Variants in RNF6 observed in about 807,000 individuals in gnomAD.
RNF6 encodes the protein E3 ubiquitin-protein ligase RNF6.
In RNF6, 21 loss-of-function variants were observed where a neutral mutation model predicts 50.1. The ratio of observed to expected loss-of-function variants is 0.42; its 90% CI spans 0.30 to 0.60. RNF6 has a LOEUF of 0.60. RNF6 is among the 20% of genes least tolerant of loss of function. RNF6 has a pLI of 0.20. For missense variants in RNF6, 698 were observed against 838.2 expected (o/e 0.83, Z 2.07); for synonymous variants, 255 against 291.8 (o/e 0.87, Z 1.29).
At chr13:26,209,788 T>G (rs1253162588), downstream of RNF6, among the ~76,000 whole-genome samples, 3 of 151,452 alleles carry the variant, frequency 2.0e-5, no homozygotes, top group African/African-American at 7.3e-5. Flanking sequence ...AGATGTGAGA[T>G]ATATATATAT....
Position 26,214,164 on chromosome 13 carries a change from T to A in RNF6, c.1718A>T (p.Asn573Ile). 6.2e-7 allele frequency: 1 copy of A among 1,614,210 alleles called. No homozygotes were observed. The highest frequency in any genetic ancestry group is 1.1e-5 in the South Asian group (1 of 91,080). The change falls in exon 5 of 5, where the codon AAT (asparagine) becomes ATT (isoleucine). Residue 573 changes from asparagine (N) to isoleucine (I), a missense_variant. Asn to Ile is a moderately radical substitution (Grantham distance 149, BLOSUM62 -3). Coordinates refer to ENST00000381588, the MANE Select transcript of RNF6 (RefSeq NM_005977.4). ...SDSRGGRQLR[N>I]PNNLVETGTL... ...TCCAGTTTCAACTAAATTGTTTGGATTTCGCAACTGCCTGCCACCCCTACT... is the reference window on the plus strand; with the variant it reads ...TCCAGTTTCAACTAAATTGTTTGGAATTCGCAACTGCCTGCCACCCCTACT...
At chr13:26,163,167 C>A (rs1872292777) in intron 5 of RNF6, among the ~76,000 whole-genome samples, 1 of 152,142 alleles carries the variant, frequency 6.6e-6, no homozygotes, top group South Asian at 2.1e-4. Flanking sequence ...AAAAAATTAG[C>A]CGGGCGCGGT....
intron 5 of RNF6, among the ~76,000 whole-genome samples, chr13:26,181,686 G>A (rs1873250778): frequency 6.6e-6 from 1 of 152,168 alleles, no homozygotes; most frequent in South Asian, 2.1e-4. Context: ...AGACCAAGGG[G>A]ATTCCTCTTG....
rs2137743173 is a variant in RNF6 at position 26,213,810 on chromosome 13, T to G, written c.*14A>C. ...GTTCTACTAAAAAACAGTATTTGAG[T>G]AGATCCCATCACCTTACCCATTGTT... On this transcript the variant is annotated 3_prime_UTR_variant, in exon 5 of 5. Transcript: ENST00000381588. 2 of 1,576,956 alleles carry G rather than the reference T, an allele frequency of 1.3e-6. No individual in the cohort carries two copies. Among genetic ancestry groups the G allele is most frequent in the East Asian group, 4.5e-5 (2 of 44,480 alleles).
At position 26,214,210 on chromosome 13, in the gene RNF6, G is replaced by A. The variant is rs780292148; in HGVS notation, c.1672C>T (p.Pro558Ser). The A allele has an allele frequency of 5.6e-6, 9 of 1,614,086 alleles. No individual in the cohort carries two copies. In the East Asian group the frequency reaches 1.8e-4, roughly 32 times the overall value. ...CTACTGTCACTGTTTCGAGTATGAGGCTGGGTGGTCTCGTTTTCACCATGC... is the reference window on the plus strand; with the variant it reads ...CTACTGTCACTGTTTCGAGTATGAGACTGGGTGGTCTCGTTTTCACCATGC... ...EMHGENETTQ[P>S]HTRNSDSRGG... Residue 558 changes from proline (P) to serine (S), a missense_variant, in exon 5 of 5, where the codon CCT (proline) becomes TCT (serine). Coordinates refer to ENST00000381588, the MANE Select transcript of RNF6 (RefSeq NM_005977.4).
At chr13:26,159,777 C>T (rs1002483372) in intron 5 of RNF6, among the ~76,000 whole-genome samples, 2 of 152,120 alleles carry the variant, frequency 1.3e-5, no homozygotes, top group Non-Finnish European at 2.9e-5. Context: ...CCATCTCAAA[C>T]TCCAAAATTT....
intron 5 of RNF6, among the ~76,000 whole-genome samples, chr13:26,141,630 A>T (rs749344166): frequency 1.1e-4 from 16 of 152,178 alleles, no homozygotes; most frequent in Admixed American, 2.6e-4. Flanking sequence ...AACAATGGGG[A>T]AAGAACTCTC....
intron 5 of RNF6, among the ~76,000 whole-genome samples, chr13:26,191,419 A>G (rs1868451695): frequency 6.6e-6 from 1 of 152,168 alleles, no homozygotes; most frequent in Admixed American, 6.5e-5. Flanking sequence ...ATAAATAAGC[A>G]GTTAGCTTAT....
intron 5 of RNF6, among the ~76,000 whole-genome samples, chr13:26,171,808 A>C (rs755160297): frequency 1.8e-4 from 28 of 152,350 alleles, no homozygotes; most frequent in Non-Finnish European, 2.9e-4. Context: ...GTGAAATTTT[A>C]TATGTTTATA....
In RNF6 at chr13:26,151,912, C is replaced by A. The variant is rs189709465; in HGVS notation, n.769-19461G>T. On this transcript the variant is annotated intron_variant and non_coding_transcript_variant, in intron 5 of 5. Transcript: ENST00000468480. ...TGCAGCTCCAAGCTGGTCCCTCTAC[C>A]CGTGGACCCCTTCCTGTCTTTTCCT... 1.3e-3 allele frequency among the ~76,000 whole-genome samples: 202 copies of A among 152,280 alleles called. 3 individuals are homozygous for A. Among genetic ancestry groups the A allele is most frequent in the South Asian group, 7.7e-3 (37 of 4,828 alleles).
At chr13:26,188,556 G>A (rs948746263) in intron 5 of RNF6, among the ~76,000 whole-genome samples, 2 of 144,240 alleles carry the variant, frequency 1.4e-5, no homozygotes, top group Non-Finnish European at 3.0e-5. Context: ...ACTGAGGGGA[G>A]TTTAGGTGAA....
In RNF6 at chr13:26,214,366, G is replaced by A; in HGVS notation, c.1516C>T (p.Leu506Phe). ...SLMEADSESE[L>F]QRNGQHLPDM... ...GGTAAATGCTGGCCATTTCTTTGAA[G>A]TTCTGACTCAGAATCGGCCTCCATT... is the stretch of plus-strand genomic sequence containing the variant. Residue 506 changes from leucine (L) to phenylalanine (F), a missense_variant, in exon 5 of 5, where the codon CTT becomes TTT. Transcript: ENST00000381588. 6.2e-7 allele frequency: 1 copy of A among 1,614,098 alleles called. No homozygotes were observed. The highest frequency in any genetic ancestry group is 8.5e-7 in the Non-Finnish European group (1 of 1,180,026).
intron 5 of RNF6, chr13:26,144,838 T>A (rs991227733): frequency 6.6e-6 from 1 of 152,204 alleles, no homozygotes; most frequent in African/African-American, 2.4e-5. Context: ...ATGTAATTTC[T>A]TTGTGCTTCA....
chr13:26,204,103 C>T (rs940659555), intron 5 of RNF6, among the ~76,000 whole-genome samples: 19 of 152,146 alleles, frequency 1.2e-4, no homozygotes, highest in African/African-American at 4.3e-4. Flanking sequence ...CCGCCTTTAT[C>T]GTCAACAAGT....
chr13:26,220,403 G>T (rs1870355517), intron 2 of RNF6, among the ~76,000 whole-genome samples: 1 of 152,140 alleles, frequency 6.6e-6, no homozygotes, highest in Admixed American at 6.5e-5. Flanking sequence ...GAAACTTCCT[G>T]ACTTTGCCTA....
chr13:26,176,974 TG>T (rs1872985948), intron 5 of RNF6, among the ~76,000 whole-genome samples: 3 of 151,960 alleles, frequency 2.0e-5, no homozygotes, highest in African/African-American at 4.8e-5. Context: ...ATATGCCAGG[TG>T]AAGACAGAGA....
chr13:26,195,619 T>A (rs1043498910), intron 5 of RNF6, among the ~76,000 whole-genome samples: 10 of 151,892 alleles, frequency 6.6e-5, no homozygotes, highest in African/African-American at 2.4e-4. Flanking sequence ...CTACAGAAAA[T>A]CAAAGACAAA....
At chr13:26,219,977 T>C (rs568350630) in intron 2 of RNF6, among the ~76,000 whole-genome samples, 1 of 152,362 alleles carries the variant, frequency 6.6e-6, no homozygotes, top group South Asian at 2.1e-4. Flanking sequence ...TCTGGAAAAG[T>C]TGATCCAGAA....
chr13:26,204,180 G>A (rs1184298775), intron 5 of RNF6, among the ~76,000 whole-genome samples: 1 of 151,824 alleles, frequency 6.6e-6, no homozygotes. Context: ...GACCCAAACT[G>A]ACAAAATATT....
Sources: allele counts gnomAD v4.1 joint callset (sites outside exome capture counted in the v4.1 genomes callset), GRCh38; gene constraint gnomAD v4.1.1; transcripts MANE v1.5; gene names NCBI Gene and HGNC (gene_info 2026-07-23, HGNC 2026-07-21).